The following ZNF607 variants were observed in gnomAD, a reference collection of about 807,000 sequenced individuals.
ZNF607 encodes the protein zinc finger protein 607.
Under a neutral mutation model 12.8 loss-of-function variants are expected in ZNF607, and 5 were observed. That is an observed-to-expected ratio of 0.39 (90% CI 0.20 to 0.82). The LOEUF (loss-of-function observed/expected upper bound fraction) is 0.82. Among genes scored for constraint, ZNF607 ranks in the 40% least tolerant of loss-of-function variants. The probability of loss-of-function intolerance (pLI) is 0.39; values close to 1 mark genes in which losing one functional copy is unlikely to be tolerated. For missense variants in ZNF607, 851 were observed against 859.2 expected (o/e 0.99, Z 0.12); for synonymous variants, 287 against 276.2 (o/e 1.04, Z -0.39).
chr19:37,717,872 C>A (rs1189618514), intron 1 of ZNF607, among the ~76,000 whole-genome samples: 1 of 150,760 alleles, frequency 6.6e-6, no homozygotes, highest in African/African-American at 2.4e-5. Flanking sequence ...AACTGTGATC[C>A]ACCACTGTAA....
rs2045208725 is a variant in ZNF607 at position 37,719,753 on chromosome 19, G to C, written c.-559C>G. 6.6e-6 allele frequency: 1 copy of C among 152,338 alleles called. No individual in the cohort carries two copies. The highest frequency in any genetic ancestry group is 1.5e-5 in the Non-Finnish European group (1 of 68,124). 9.4% of individuals were successfully genotyped at this position (152,338 alleles called of 1,614,324 possible). A position where few individuals can be genotyped will look rare whatever the true frequency, so the allele number is the denominator to read the frequency against. ...ACCGCTCGAGCCCCGGAGACTTCTG[G>C]GAGTGGCCGCCTTGCCTCGAGTGCG... On this transcript the variant is annotated 5_prime_UTR_variant, in exon 1 of 5. Coordinates refer to ENST00000355202, the MANE Select transcript of ZNF607 (RefSeq NM_032689.5).
At chr19:37,717,641 CAA>C (rs530962725) in intron 1 of ZNF607, among the ~76,000 whole-genome samples, 51,816 of 128,738 alleles carry the variant, frequency 0.4, 9,813 homozygotes, top group African/African-American at 0.44. Context: ...ACTAAAAATA[CAA>C]AAAAAAAAAA....
At chr19:37,717,345 C>T (rs921594412) in intron 1 of ZNF607, among the ~76,000 whole-genome samples, 1 of 152,048 alleles carries the variant, frequency 6.6e-6, no homozygotes, top group African/African-American at 2.4e-5. Flanking sequence ...ACCACCACGC[C>T]CGGCTAATTT....
At position 37,699,344 on chromosome 19, in the gene ZNF607, T is replaced by TA; in HGVS notation, c.786dup (p.Arg263Ter). On this transcript the variant is annotated frameshift_variant, in exon 5 of 5. Coordinates refer to ENST00000355202, the MANE Select transcript of ZNF607 (RefSeq NM_032689.5). LOFTEE classifies it low-confidence loss of function (END_TRUNC). ...TGTACTTTAAGGCCTGCTTTGAGCC[T>TA]AAAGGACTTCCCACATTTGTTACAT... is the stretch of plus-strand genomic sequence containing the variant. 6.2e-7 allele frequency: 1 copy of TA among 1,614,042 alleles called. No individual in the cohort carries two copies. The highest frequency in any genetic ancestry group is 8.5e-7 in the Non-Finnish European group (1 of 1,179,986).
In ZNF607 at chr19:37,709,837, C is replaced by A; in HGVS notation, c.10-15G>T. On this transcript the variant is annotated splice_polypyrimidine_tract_variant and intron_variant, in intron 2 of 4. Coordinates refer to ENST00000355202, the MANE Select transcript of ZNF607 (RefSeq NM_032689.5). Reference sequence around the variant, plus strand: ...GTTATTGATCCCTGAAACAGCAAACCCATGTATTACTGGGGAAATTCCAAA... The same window carrying A: ...GTTATTGATCCCTGAAACAGCAAACACATGTATTACTGGGGAAATTCCAAA... 6.2e-7 allele frequency: 1 copy of A among 1,609,030 alleles called. No homozygotes were observed. Among genetic ancestry groups the A allele is most frequent in the Non-Finnish European group, 8.5e-7 (1 of 1,175,938 alleles).
intron 1 of ZNF607, among the ~76,000 whole-genome samples, chr19:37,718,216 C>A (rs975230457): frequency 6.6e-6 from 1 of 152,140 alleles, no homozygotes; most frequent in Non-Finnish European, 1.5e-5. Context: ...AGACAGTACA[C>A]CAATGACCGA....
In ZNF607 at chr19:37,699,188, C is replaced by T. The variant is rs369134550; in HGVS notation, c.943G>A (p.Gly315Arg). The change falls in exon 5 of 5, where the codon GGG becomes AGG. Residue 315 changes from glycine (G) to arginine (R), a missense_variant. Coordinates refer to ENST00000355202, the MANE Select transcript of ZNF607 (RefSeq NM_032689.5). ...GEKPYECKEC[G>R]KGFTCRYQLT... is the part of the protein sequence containing the mutation. ...TGATACCTACATGTAAAGCCCTTCC[C>T]GCATTCCTTGCATTCATAGGGTTTT... 7.1e-5 allele frequency: 115 copies of T among 1,614,010 alleles called. No individual in the cohort carries two copies. The highest frequency in any genetic ancestry group is 6.5e-4 in the East Asian group (29 of 44,886).
chr19:37,699,301 C>T lies in ZNF607; in HGVS notation c.830G>A (p.Gly277Glu). ...GLKVHQSIHTGEKPHECKECG... is the reference protein window; with the variant it reads ...GLKVHQSIHTEEKPHECKECG... ...TTCCTTACATTCATGTGGCTTCTCT[C>T]CAGTATGAATACTCTGATGTACTTT... The change falls in exon 5 of 5, where the codon GGA (glycine) becomes GAA (glutamate). Residue 277 changes from glycine (G) to glutamate (E), a missense_variant. Gly to Glu is a moderately conservative substitution (Grantham distance 98). Transcript: ENST00000355202. 6.2e-7 allele frequency: 1 copy of T among 1,613,968 alleles called. No homozygotes were observed. The highest frequency in any genetic ancestry group is 8.5e-7 in the Non-Finnish European group (1 of 1,179,992).
chr19:37,704,086 A>C (rs1353663878), intron 4 of ZNF607, among the ~76,000 whole-genome samples: 1 of 152,026 alleles, frequency 6.6e-6, no homozygotes, highest in Non-Finnish European at 1.5e-5. Context: ...GTGGGCCAAG[A>C]CCACGCCATT....
At chr19:37,717,701 G>A (rs1374746928) in intron 1 of ZNF607, among the ~76,000 whole-genome samples, 1 of 150,650 alleles carries the variant, frequency 6.6e-6, no homozygotes, top group African/African-American at 2.4e-5. Flanking sequence ...AGCTACTCAG[G>A]TGGCTGAGGC....
chr19:37,703,272 CAAA>C (rs200072041), intron 4 of ZNF607, among the ~76,000 whole-genome samples: 2 of 103,498 alleles, frequency 1.9e-5, no homozygotes, highest in Admixed American at 2.0e-4. Context: ...AAATAAATAG[CAAA>C]AAAAAAAAAA....
intron 4 of ZNF607, among the ~76,000 whole-genome samples, chr19:37,705,258 A>G (rs1285471043): frequency 6.6e-6 from 1 of 152,230 alleles, no homozygotes; most frequent in Non-Finnish European, 1.5e-5. Flanking sequence ...GAACAACCCC[A>G]TGCCAATCAA....
chr19:37,703,078 G>C (rs548018801), intron 4 of ZNF607, among the ~76,000 whole-genome samples: 1 of 151,066 alleles, frequency 6.6e-6, no homozygotes, highest in African/African-American at 2.4e-5. Context: ...TCAGCCTCCC[G>C]AGTAGCTGGA....
At chr19:37,709,367 A>G (rs1489336088) in intron 3 of ZNF607, among the ~76,000 whole-genome samples, 1 of 152,226 alleles carries the variant, frequency 6.6e-6, no homozygotes, top group Non-Finnish European at 1.5e-5. Flanking sequence ...CACAAAATAA[A>G]TAAGAAACCT....
intron 4 of ZNF607, among the ~76,000 whole-genome samples, chr19:37,707,691 C>T (rs1177756499): frequency 6.6e-6 from 1 of 152,296 alleles, no homozygotes; most frequent in Non-Finnish European, 1.5e-5. Flanking sequence ...CTGCCCGCCT[C>T]GGCCTCCCAA....
Position 37,699,778 on chromosome 19 carries a change from T to G in ZNF607, c.353A>C (p.Gln118Pro), listed in dbSNP as rs1188494922. 8 of 1,614,000 alleles carry G rather than the reference T, an allele frequency of 5.0e-6. No individual in the cohort carries two copies. In the Admixed American group the frequency reaches 1.3e-4, roughly 27 times the overall value. Residue 118 changes from glutamine to proline, a missense_variant, in exon 5 of 5, where the codon CAA becomes CCA. Gln to Pro is a moderately conservative substitution (Grantham distance 76, BLOSUM62 -1). Coordinates refer to ENST00000355202, the MANE Select transcript of ZNF607 (RefSeq NM_032689.5). ...HNGQKPYECKQCQKSFSHLTE... is the reference protein window; with the variant it reads ...HNGQKPYECKPCQKSFSHLTE... ...AAGATGACTAAAGGACTTCTGACAT[T>G]GCTTACACTCATATGGTTTCTGTCC...
At chr19:37,701,945 T>C (rs111502690) in intron 4 of ZNF607, among the ~76,000 whole-genome samples, 4 of 152,280 alleles carry the variant, frequency 2.6e-5, no homozygotes, top group South Asian at 2.1e-4. Flanking sequence ...GTAAACTTGA[T>C]TGATCAATAG....
At chr19:37,714,779 T>C (rs1274682185) in intron 1 of ZNF607, among the ~76,000 whole-genome samples, 1 of 152,254 alleles carries the variant, frequency 6.6e-6, no homozygotes, top group East Asian at 1.9e-4. Flanking sequence ...AGATGATCTA[T>C]AGAAACACGA....
In ZNF607 at chr19:37,698,885, TATGA is replaced by T. The variant is rs2045008554; in HGVS notation, c.1242_1245del (p.His415ProfsTer109). 1 of 1,613,850 alleles carries T rather than the reference TATGA, an allele frequency of 6.2e-7. No individual in the cohort carries two copies. The highest frequency in any genetic ancestry group is 1.1e-5 in the South Asian group (1 of 91,070). On this transcript the variant is annotated frameshift_variant, in exon 5 of 5. Coordinates refer to ENST00000355202, the MANE Select transcript of ZNF607 (RefSeq NM_032689.5). LOFTEE classifies it low-confidence loss of function (END_TRUNC). ...TTACATTTGTAGGGTTTCTCACCGGTATGAATATTTTGATGTATTTTAAGGGATG... is the reference window on the plus strand; with the variant it reads ...TTACATTTGTAGGGTTTCTCACCGGTATATTTTGATGTATTTTAAGGGATG...
Sources: allele counts gnomAD v4.1 joint callset (sites outside exome capture counted in the v4.1 genomes callset), GRCh38; gene constraint gnomAD v4.1.1; transcripts MANE v1.5; gene names NCBI Gene and HGNC (gene_info 2026-07-23, HGNC 2026-07-21).